Variants in SFXN1 observed in about 807,000 individuals in gnomAD.
SFXN1 encodes the protein sideroflexin-1.
In SFXN1, 32 loss-of-function variants were observed where a neutral mutation model predicts 39.5. The observed-to-expected ratio is 0.81, with a 90% CI of 0.61 to 1.09. The LOEUF (loss-of-function observed/expected upper bound fraction) is 1.09, where lower values mean the gene tolerates loss of function less well. Ranked by LOEUF, SFXN1 falls within the 50% of genes least tolerant of loss-of-function variation. The pLI is 0.00. For synonymous variants in SFXN1, 136 were observed against 146.5 expected, an observed-to-expected ratio of 0.93 and a Z score of 0.52; for missense variants, 402 against 407.1, an observed-to-expected ratio of 0.99 and a Z score of 0.11.
chr5:175,500,072 C>T (rs1020782172), intron 2 of SFXN1, among the ~76,000 whole-genome samples: 2 of 152,102 alleles, frequency 1.3e-5, no homozygotes, highest in Non-Finnish European at 2.9e-5. Flanking sequence ...CCTGTAATCC[C>T]AGCTACTTGG....
At chr5:175,500,448 A>ACG (rs1175476386) in intron 2 of SFXN1, among the ~76,000 whole-genome samples, 5 of 146,246 alleles carry the variant, frequency 3.4e-5, no homozygotes, top group Admixed American at 2.0e-4. Flanking sequence ...ACACACACAC[A>ACG]CACACAAATT....
chr5:175,525,214 A>G (rs1005660851), intron 10 of SFXN1, among the ~76,000 whole-genome samples: 1 of 152,224 alleles, frequency 6.6e-6, no homozygotes, highest in Admixed American at 6.5e-5. Flanking sequence ...ATACTTAGAG[A>G]TCAGTGGCAA....
chr5:175,486,851 T>C (rs1035282838), intron 1 of SFXN1, among the ~76,000 whole-genome samples: 1 of 152,194 alleles, frequency 6.6e-6, no homozygotes, highest in South Asian at 2.1e-4. Context: ...CCCTAAAGGT[T>C]GCCTTATATT....
At chr5:175,511,798 G>A (rs1760525293) in intron 5 of SFXN1, among the ~76,000 whole-genome samples, 1 of 152,126 alleles carries the variant, frequency 6.6e-6, no homozygotes, top group South Asian at 2.1e-4. Context: ...GCATTGCAGA[G>A]GGCAGTGTGC....
rs2113374943 is a variant in SFXN1, at chr5:175,527,717, A to C, written c.*983A>C. ...CAGTCACAATGAATTTTACTTGAAT[A>C]TTGTATGTTGCATTCCACTTCATTT... On this transcript the variant is annotated 3_prime_UTR_variant, in exon 11 of 11. Coordinates refer to ENST00000321442, the MANE Select transcript of SFXN1 (RefSeq NM_022754.7). The C allele has an allele frequency of 6.6e-6, 1 of 152,144 alleles. No homozygotes were observed. The highest frequency in any genetic ancestry group is 2.4e-5 in the African/African-American group (1 of 41,522). The allele number at this position is 152,144 out of a possible 1,614,324, so 9.4% of individuals were successfully genotyped here. A position where few individuals can be genotyped will look rare whatever the true frequency, so the allele number is the denominator to read the frequency against.
At chr5:175,504,404 G>A (rs965289582) in intron 2 of SFXN1, among the ~76,000 whole-genome samples, 6 of 150,690 alleles carry the variant, frequency 4.0e-5, no homozygotes, top group Non-Finnish European at 7.4e-5. Flanking sequence ...GTGAAACCCC[G>A]TCTCTACTAC....
rs142906125 is a variant in SFXN1 at position 175,484,479 on chromosome 5, C to T, written c.-10+5840C>T. 9.2e-5 allele frequency among the ~76,000 whole-genome samples: 14 copies of T among 152,326 alleles called. 1 individual carries two copies. Among genetic ancestry groups the T allele is most frequent in the South Asian group, 4.1e-4 (2 of 4,824 alleles). ...GCCCTCAGCGCATCTCTGCCTTGCC[C>T]GGGGCCAGCAGGTGCACGCCGGAAT... On this transcript the variant is annotated intron_variant, in intron 1 of 10. Transcript: ENST00000321442.
chr5:175,492,284 T>C lies in SFXN1; in HGVS notation c.164+17T>C. On this transcript the variant is annotated intron_variant, in intron 2 of 10. Transcript: ENST00000321442. ...TGATTACAGGTAACATTAATTATTGTTTTTTGGTTTAATGTATAAATAGAT... is the reference window on the plus strand; with the variant it reads ...TGATTACAGGTAACATTAATTATTGCTTTTTGGTTTAATGTATAAATAGAT... The C allele has an allele frequency of 6.3e-7, 1 of 1,591,982 alleles. No homozygotes were observed. The highest frequency in any genetic ancestry group is 8.5e-7 in the Non-Finnish European group (1 of 1,170,826).
rs1760256901 is a variant in SFXN1 at position 175,505,535 on chromosome 5, CACAAT to C, written c.165-3495_165-3491del. 6.2e-5 allele frequency among the ~76,000 whole-genome samples: 4 copies of C among 64,248 alleles called. No individual in the cohort carries two copies. In the East Asian group the frequency reaches 1.4e-3, roughly 22 times the overall value. The allele number at this position is 64,248 out of a possible 152,430, so 42.1% of individuals were successfully genotyped here. A position where few individuals can be genotyped will look rare whatever the true frequency, so the allele number is the denominator to read the frequency against. On this transcript the variant is annotated intron_variant, in intron 2 of 10. Transcript: ENST00000321442. Reference sequence around the variant, plus strand: ...CTGGGCGACAAGAGTGCAACTCCATCACAATAATAATAATAATAATAATAATAATA... The same window carrying C: ...CTGGGCGACAAGAGTGCAACTCCATCAATAATAATAATAATAATAATAATA...
chr5:175,496,249 C>T (rs1485162130), intron 2 of SFXN1, among the ~76,000 whole-genome samples: 1 of 151,808 alleles, frequency 6.6e-6, no homozygotes, highest in African/African-American at 2.4e-5. Flanking sequence ...TGGTGACGCG[C>T]ACCTATAATC....
At chr5:175,521,582 C>T (rs998599426) in intron 8 of SFXN1, among the ~76,000 whole-genome samples, 2 of 152,184 alleles carry the variant, frequency 1.3e-5, no homozygotes, top group Non-Finnish European at 2.9e-5. Context: ...GACCTTGGCA[C>T]CAGGCTGTCC....
At chr5:175,514,172 G>A (rs1057314508) in intron 7 of SFXN1, among the ~76,000 whole-genome samples, 35 of 152,230 alleles carry the variant, frequency 2.3e-4, no homozygotes, top group African/African-American at 8.4e-4. Flanking sequence ...GGCTGTGCGG[G>A]GAGGCTGCCT....
At position 175,520,573 on chromosome 5, in the gene SFXN1, G is replaced by C. The variant is rs569099171; in HGVS notation, c.775-1346G>C. On this transcript the variant is annotated intron_variant, in intron 8 of 10. Transcript: ENST00000321442. ...AAACCCTCTGCATGAGCCACAGTCAGCACGTAGTTTGCACATGCCCACCTC... is the reference window on the plus strand; with the variant it reads ...AAACCCTCTGCATGAGCCACAGTCACCACGTAGTTTGCACATGCCCACCTC... Among the ~76,000 whole-genome samples, 10 of 152,282 alleles carry C rather than the reference G, an allele frequency of 6.6e-5. No homozygotes were observed. In the South Asian group the frequency reaches 1.7e-3, roughly 25 times the overall value.
In SFXN1 at chr5:175,513,494, G is replaced by A; in HGVS notation, c.628G>A (p.Glu210Lys). ...ELKVGIPVTD[E>K]NGNRLGESAN... ...CAAAGTTGGCATTCCCGTCACGGAT[G>A]AGAATGGGAACCGCTTGGGGGAGTC... The change falls in exon 7 of 11, where the codon GAG becomes AAG. Residue 210 changes from glutamate to lysine, a missense_variant. Glu to Lys is a moderately conservative substitution (Grantham distance 56). Coordinates refer to ENST00000321442, the MANE Select transcript of SFXN1 (RefSeq NM_022754.7). 6.2e-7 allele frequency: 1 copy of A among 1,613,916 alleles called. No individual in the cohort carries two copies. The highest frequency in any genetic ancestry group is 8.5e-7 in the Non-Finnish European group (1 of 1,179,932).
intron 5 of SFXN1, 57 bp from the exon 6 acceptor site, chr5:175,512,054 T>G: frequency 6.8e-7 from 1 of 1,469,868 alleles, no homozygotes; most frequent in Non-Finnish European, 9.4e-7. Context: ...ATAAGTTATT[T>G]CCATTTACTA....
chr5:175,486,187 T>TG (rs1268319606), intron 1 of SFXN1, among the ~76,000 whole-genome samples: 1 of 150,484 alleles, frequency 6.6e-6, no homozygotes, highest in East Asian at 1.9e-4. Context: ...AGGAAAAAAG[T>TG]GGGGGGGCCT....
At chr5:175,511,987 T>C (rs1163758507) in intron 5 of SFXN1, 124 bp from the exon 6 acceptor site, 1 of 851,550 alleles carries the variant, frequency 1.2e-6, no homozygotes, top group African/African-American at 1.7e-5. Flanking sequence ...GAAAGCATTC[T>C]TGGCCTGAGT....
intron 1 of SFXN1, among the ~76,000 whole-genome samples, chr5:175,482,640 A>C (rs267370): frequency 0.65 from 99,323 of 151,922 alleles, 33,012 homozygotes; most frequent in African/African-American, 0.75. Context: ...TTGTTTGGTA[A>C]CTTAATAAAG....
chr5:175,515,293 C>T (rs1160806475), intron 7 of SFXN1, among the ~76,000 whole-genome samples: 1 of 152,172 alleles, frequency 6.6e-6, no homozygotes, highest in East Asian at 1.9e-4. Context: ...AGTTGTGAAC[C>T]ACCATGTCCG....
Sources: allele counts gnomAD v4.1 joint callset (sites outside exome capture counted in the v4.1 genomes callset), GRCh38; gene constraint gnomAD v4.1.1; transcripts MANE v1.5; gene names NCBI Gene and HGNC (gene_info 2026-07-23, HGNC 2026-07-21).